GALNT13: variants seen among roughly 807,000 people sequenced by gnomAD.
GALNT13 encodes polypeptide N-acetylgalactosaminyltransferase 13, also known as UDP-GalNAc:polypeptide N-acetylgalactosaminyltransferase 13.
GALNT13 carries 28 observed loss-of-function variants against 64.2 expected under a neutral mutation model. That is an observed-to-expected ratio of 0.44 (90% CI 0.32 to 0.60). The LOEUF is 0.60. GALNT13 is among the 20% of genes least tolerant of loss of function. The pLI is 0.05. For missense variants in GALNT13, 577 were observed against 669.8 expected (o/e 0.86, Z 1.53); for synonymous variants, 214 against 224.6 (o/e 0.95, Z 0.42).
At chr2:153,444,256 A>C in the GALNT13 span, among the ~76,000 whole-genome samples, 1 of 152,164 alleles carries the variant, frequency 6.6e-6, no homozygotes, top group Non-Finnish European at 1.5e-5. Context: ...GTGATAGTTA[A>C]TGTTTATCTC....
At chr2:153,280,595 A>C in the GALNT13 span, among the ~76,000 whole-genome samples, 6 of 151,842 alleles carry the variant, frequency 4.0e-5, no homozygotes, top group African/African-American at 1.5e-4. Context: ...AATTTTTTTT[A>C]TTTCTGCCTT....
At chr2:153,589,987 A>T in the GALNT13 span, among the ~76,000 whole-genome samples, 1 of 152,198 alleles carries the variant, frequency 6.6e-6, no homozygotes, top group Non-Finnish European at 1.5e-5. Flanking sequence ...TCAAATCCAA[A>T]ATTAGTAGAA....
At chr2:154,026,090 T>G (rs28410848) in intron 3 of GALNT13, among the ~76,000 whole-genome samples, 11,572 of 152,130 alleles carry the variant, frequency 0.076, 614 homozygotes, top group Middle Eastern at 0.14. Flanking sequence ...TTTAAATGAT[T>G]ATATAACAGT....
In GALNT13 at chr2:154,333,825, G is replaced by A. The variant is rs116269539; in HGVS notation, c.1156+32236G>A. Among the ~76,000 whole-genome samples the A allele has an allele frequency of 6.6e-3, 1,010 of 152,108 alleles. 15 individuals are homozygous for A. Among genetic ancestry groups the A allele is most frequent in the African/African-American group, 0.023 (950 of 41,522 alleles). ...CTCCCTGTTAAGAGAAAATGTAGTA[G>A]TTCTACTAAATCTGCAAGTGGCAGC... On this transcript the variant is annotated intron_variant, in intron 9 of 12. Coordinates refer to ENST00000392825, the MANE Select transcript of GALNT13 (RefSeq NM_052917.4).
chr2:153,706,447 T>C, the GALNT13 span, among the ~76,000 whole-genome samples: 19,326 of 152,220 alleles, frequency 0.13, 1,986 homozygotes, highest in African/African-American at 0.28. Context: ...ATATCTCAAC[T>C]AGAGATTAAT....
intron 9 of GALNT13, among the ~76,000 whole-genome samples, chr2:154,360,623 T>C (rs1697011778): frequency 6.6e-6 from 1 of 152,164 alleles, no homozygotes; most frequent in Non-Finnish European, 1.5e-5. Context: ...GTGATACAAA[T>C]TTGCAACGTG....
chr2:153,230,583 ACAGAAAGCAGT>A, the GALNT13 span, among the ~76,000 whole-genome samples: 1 of 152,224 alleles, frequency 6.6e-6, no homozygotes, highest in African/African-American at 2.4e-5. Flanking sequence ...ACAATGGCTG[ACAGAAAGCAGT>A]CAGATACTCA....
At chr2:153,672,788 A>G in the GALNT13 span, among the ~76,000 whole-genome samples, 82 of 151,696 alleles carry the variant, frequency 5.4e-4, no homozygotes, top group East Asian at 0.013. Flanking sequence ...TTTTTTGAAA[A>G]GATGAACAAA....
the GALNT13 span, among the ~76,000 whole-genome samples, chr2:153,638,146 G>C: frequency 6.6e-6 from 1 of 152,088 alleles, no homozygotes; most frequent in Non-Finnish European, 1.5e-5. Flanking sequence ...GTTTGGGGTG[G>C]CTGGAATAGA....
At chr2:154,157,817 A>G (rs1684510185) in intron 4 of GALNT13, among the ~76,000 whole-genome samples, 1 of 152,252 alleles carries the variant, frequency 6.6e-6, no homozygotes, top group South Asian at 2.1e-4. Flanking sequence ...TTCAGTTCTC[A>G]TATTGACTTG....
At chr2:153,358,626 C>T in the GALNT13 span, among the ~76,000 whole-genome samples, 1 of 152,076 alleles carries the variant, frequency 6.6e-6, no homozygotes, top group African/African-American at 2.4e-5. Context: ...GAAACTATCT[C>T]TAATTAGGCC....
At chr2:154,060,469 C>T (rs911122393) in intron 3 of GALNT13, among the ~76,000 whole-genome samples, 1 of 152,150 alleles carries the variant, frequency 6.6e-6, no homozygotes, top group African/African-American at 2.4e-5. Context: ...GATTCTCCTG[C>T]CTTAGCCTCC....
chr2:154,332,423 C>T (rs1695215997), intron 9 of GALNT13, among the ~76,000 whole-genome samples: 2 of 151,604 alleles, frequency 1.3e-5, no homozygotes, highest in South Asian at 2.1e-4. Flanking sequence ...CTTGCTATCC[C>T]ACAAAAAAAA....
chr2:153,094,628 C>T, the GALNT13 span, among the ~76,000 whole-genome samples: 2 of 152,188 alleles, frequency 1.3e-5, no homozygotes, highest in Non-Finnish European at 1.5e-5. Context: ...TGCTACCTGA[C>T]TTCAAACTAT....
the GALNT13 span, among the ~76,000 whole-genome samples, chr2:153,814,755 A>G: frequency 3.3e-5 from 5 of 152,188 alleles, no homozygotes; most frequent in Admixed American, 2.6e-4. Context: ...AGCCGTTTCA[A>G]CGATCTTCCA....
At chr2:154,119,983 C>T (rs6710964) in intron 3 of GALNT13, among the ~76,000 whole-genome samples, 27,737 of 152,124 alleles carry the variant, frequency 0.18, 4,642 homozygotes, top group East Asian at 0.74. Context: ...GATGTTATGA[C>T]TCCCTAATTC....
intron 9 of GALNT13, among the ~76,000 whole-genome samples, chr2:154,375,397 A>G (rs76476118): frequency 6.6e-6 from 1 of 152,150 alleles, no homozygotes; most frequent in Non-Finnish European, 1.5e-5. Context: ...TCACTTTAGC[A>G]TCACCCTCCG....
chr2:154,276,415 T>C (rs552257549), intron 8 of GALNT13, among the ~76,000 whole-genome samples: 4 of 151,986 alleles, frequency 2.6e-5, no homozygotes, highest in Non-Finnish European at 4.4e-5. Context: ...AAACGGAAAA[T>C]GCAACATCTG....
At chr2:153,930,499 C>T (rs527833898) in intron 2 of GALNT13, among the ~76,000 whole-genome samples, 4 of 152,174 alleles carry the variant, frequency 2.6e-5, no homozygotes, top group East Asian at 1.9e-4. Flanking sequence ...CTTGAGTTGA[C>T]TTTTACATAT....
Sources: gnomAD v4.1 joint callset for allele counts (sites outside exome capture counted in the v4.1 genomes callset) on GRCh38, gnomAD v4.1.1 for gene constraint, MANE v1.5 for transcripts, NCBI Gene and HGNC (gene_info 2026-07-23, HGNC 2026-07-21) for gene names.